The following TUBB4B variants were observed in gnomAD, a reference collection of about 807,000 sequenced individuals.
TUBB4B encodes the protein tubulin beta-4B chain.
In TUBB4B, 7 loss-of-function variants were observed where a neutral mutation model predicts 34.3. That is an observed-to-expected ratio of 0.20 (90% CI 0.12 to 0.38). The LOEUF is 0.38. Ranked by LOEUF, TUBB4B falls within the 10% of genes least tolerant of loss-of-function variation. The pLI is 1.00. For missense variants in TUBB4B, 178 were observed against 610.9 expected (o/e 0.29, Z 7.47); for synonymous variants, 390 against 250.2 (o/e 1.56, Z -5.27).
At chr9:137,242,450 G>A (rs1459146562) in intron 3 of TUBB4B, 46 bp from the exon 4 acceptor site, 2 of 1,589,404 alleles carry the variant, frequency 1.3e-6, no homozygotes, top group Middle Eastern at 1.7e-4. Context: ...GTGACCAGTA[G>A]TGCTGTCTAC....
At chr9:137,241,613 G>T (rs1836744895) in intron 1 of TUBB4B, 108 bp from the exon 2 acceptor site, 1 of 758,898 alleles carries the variant, frequency 1.3e-6, no homozygotes, top group Non-Finnish European at 1.6e-6. Flanking sequence ...CGGGGGAGGG[G>T]CGGGGAGGGC....
rs753264882 is a variant in TUBB4B, at chr9:137,243,571, G to A, written c.*15G>A. The A allele has an allele frequency of 3.6e-5, 58 of 1,613,522 alleles. 1 individual carries two copies. The South Asian group carries it at 5.0e-4, about 14-fold the overall frequency. On this transcript the variant is annotated 3_prime_UTR_variant, in exon 4 of 4. Transcript: ENST00000340384. ...AGGTGGCCTAGAGCCTTCAGTCACT[G>A]GGGAAAGCAGGGAAGCAGTGTGAAC...
At position 137,241,293 on chromosome 9, in the gene TUBB4B, C is replaced by A; in HGVS notation, c.-68C>A. 6.5e-7 allele frequency: 1 copy of A among 1,548,656 alleles called. No individual in the cohort carries two copies. Among genetic ancestry groups the A allele is most frequent in the Non-Finnish European group, 8.7e-7 (1 of 1,151,918 alleles). ...TTGGCGGAGCGTCGGTTGTAGCACT[C>A]TGCGCGCCCGCTCTTCTGCTGCTGT... On this transcript the variant is annotated 5_prime_UTR_variant, in exon 1 of 4. In the 5' UTR this introduces an upstream ATG that the reference lacks. Transcript: ENST00000340384.
At position 137,241,414 on chromosome 9, in the gene TUBB4B, C is replaced by A. The variant is rs1389827506; in HGVS notation, c.54C>A (p.Ala18=). The A allele has an allele frequency of 5.0e-6, 8 of 1,589,704 alleles. No homozygotes were observed. The highest frequency in any genetic ancestry group is 1.7e-4 in the Middle Eastern group (1 of 5,974). Residue 18 remains alanine, a synonymous_variant, in exon 1 of 4, where the codon GCC becomes GCA. Coordinates refer to ENST00000340384, the MANE Select transcript of TUBB4B (RefSeq NM_006088.6). ...QAGQCGNQIG[A]KFWEVISDEH... ...GGCAGTGCGGCAACCAAATCGGCGC[C>A]AAGGTAAGTTGCCGGGGCGCTGGGG...
chr9:137,242,051 C>G (rs767152300), intron 3 of TUBB4B, 30 bp downstream of exon 3: 1 of 1,603,112 alleles, frequency 6.2e-7, no homozygotes. Context: ...TGGGCGGCGG[C>G]TCAAAGGTCA....
Position 137,241,322 on chromosome 9 carries a change from T to G in TUBB4B, c.-39T>G, listed in dbSNP as rs115244808. On this transcript the variant is annotated 5_prime_UTR_variant, in exon 1 of 4. Transcript: ENST00000340384. Reference sequence around the variant, plus strand: ...GCGCCCGCTCTTCTGCTGCTGTTTGTCTACTTCCTCCTGCTTCCCCGCCGC... The same window carrying G: ...GCGCCCGCTCTTCTGCTGCTGTTTGGCTACTTCCTCCTGCTTCCCCGCCGC... 2.3e-5 allele frequency: 36 copies of G among 1,587,774 alleles called. No homozygotes were observed. Among genetic ancestry groups the G allele is most frequent in the Non-Finnish European group, 2.9e-5 (34 of 1,173,514 alleles).
intron 3 of TUBB4B, 162 bp from the exon 4 acceptor site, chr9:137,242,334 C>T (rs558189267): frequency 6.6e-5 from 57 of 864,832 alleles, no homozygotes; most frequent in African/African-American, 5.5e-4. Context: ...TAATTCGTAG[C>T]AGGGCAGGCT....
Position 137,242,683 on chromosome 9 carries a change from C to G in TUBB4B, c.465C>G (p.Ile155Met). The change falls in exon 4 of 4, where the codon ATC becomes ATG. Residue 155 changes from isoleucine to methionine, a missense_variant. Coordinates refer to ENST00000340384, the MANE Select transcript of TUBB4B (RefSeq NM_006088.6). ...TGGGTACCCTCCTCATCAGCAAGAT[C>G]CGGGAGGAGTACCCAGACAGGATCA... ...SGMGTLLISK[I>M]REEYPDRIMN... 4 of 1,613,688 alleles carry G rather than the reference C, an allele frequency of 2.5e-6. No homozygotes were observed. Among genetic ancestry groups the G allele is most frequent in the Non-Finnish European group, 3.4e-6 (4 of 1,180,010 alleles).
intron 3 of TUBB4B, 182 bp downstream of exon 3, chr9:137,242,203 C>A: frequency 1.5e-6 from 1 of 689,166 alleles, no homozygotes; most frequent in Non-Finnish European, 2.4e-6. Context: ...GAGGAGCCGC[C>A]ACACACGTAA....
At position 137,243,664 on chromosome 9, in the gene TUBB4B, C is replaced by T. The variant is rs780763306; in HGVS notation, c.*108C>T. The T allele has an allele frequency of 1.2e-6, 2 of 1,613,986 alleles. No homozygotes were observed. The highest frequency in any genetic ancestry group is 1.7e-6 in the Non-Finnish European group (2 of 1,180,006). On this transcript the variant is annotated 3_prime_UTR_variant, in exon 4 of 4. Coordinates refer to ENST00000340384, the MANE Select transcript of TUBB4B (RefSeq NM_006088.6). ...GTGCACTTGCTGTTTTCCCTGTCCA[C>T]ATCCATGCTGTACAGACACCACCAT...
rs776345140 is a variant in TUBB4B, at chr9:137,243,679, GAC to G, written c.*126_*127del. The G allele has an allele frequency of 6.2e-7, 1 of 1,614,140 alleles. No individual in the cohort carries two copies. Among genetic ancestry groups the G allele is most frequent in the Non-Finnish European group, 8.5e-7 (1 of 1,180,016 alleles). ...TCCCTGTCCACATCCATGCTGTACA[GAC>G]ACCACCATTAAAGCATTTTCATAGT... is the stretch of plus-strand genomic sequence containing the variant. On this transcript the variant is annotated 3_prime_UTR_variant, in exon 4 of 4. Coordinates refer to ENST00000340384, the MANE Select transcript of TUBB4B (RefSeq NM_006088.6).
chr9:137,241,294 T>G lies in TUBB4B; in HGVS notation c.-67T>G. On this transcript the variant is annotated 5_prime_UTR_variant, in exon 1 of 4. Coordinates refer to ENST00000340384, the MANE Select transcript of TUBB4B (RefSeq NM_006088.6). ...TGGCGGAGCGTCGGTTGTAGCACTC[T>G]GCGCGCCCGCTCTTCTGCTGCTGTT... The G allele has an allele frequency of 6.5e-7, 1 of 1,538,862 alleles. No individual in the cohort carries two copies. The highest frequency in any genetic ancestry group is 1.4e-5 in the African/African-American group (1 of 71,978).
Position 137,242,771 on chromosome 9 carries a change from G to A in TUBB4B, c.553G>A (p.Ala185Thr). 1 of 1,613,814 alleles carries A rather than the reference G, an allele frequency of 6.2e-7. No individual in the cohort carries two copies. The highest frequency in any genetic ancestry group is 8.5e-7 in the Non-Finnish European group (1 of 1,180,026). ...AGACACAGTGGTGGAGCCCTACAACGCCACCCTCTCAGTCCACCAGCTCGT... is the reference window on the plus strand; with the variant it reads ...AGACACAGTGGTGGAGCCCTACAACACCACCCTCTCAGTCCACCAGCTCGT... ...VSDTVVEPYN[A>T]TLSVHQLVEN... The change falls in exon 4 of 4, where the codon GCC (alanine) becomes ACC (threonine). Residue 185 changes from alanine (A) to threonine (T), a missense_variant. Ala to Thr is a moderately conservative substitution (Grantham distance 58, BLOSUM62 0). Transcript: ENST00000340384.
Position 137,242,402 on chromosome 9 carries a change from C to G in TUBB4B, c.278-94C>G, listed in dbSNP as rs542581182. The G allele has an allele frequency of 6.9e-6, 10 of 1,440,748 alleles. 1 individual carries two copies. In the African/African-American group the frequency reaches 8.4e-5, roughly 12 times the overall value. The allele number at this position is 1,440,748 out of a possible 1,614,324, so 89.2% of individuals were successfully genotyped here. On this transcript the variant is annotated intron_variant, in intron 3 of 3. Coordinates refer to ENST00000340384, the MANE Select transcript of TUBB4B (RefSeq NM_006088.6). The stretch of plus-strand genomic sequence containing the variant: ...CTACCTCCAGGGTGAATTCTGTGGT[C>G]AGCTCACACCATGTCACTCGGCTTT...
chr9:137,242,120 T>TTGAGTG, intron 3 of TUBB4B, 99 bp downstream of exon 3: 1 of 1,192,064 alleles, frequency 8.4e-7, no homozygotes, highest in Non-Finnish European at 1.2e-6. Flanking sequence ...CTGGACGCCC[T>TTGAGTG]CCTCTTCTCT....
chr9:137,241,422 G>C lies in TUBB4B; in HGVS notation c.57+5G>C, dbSNP rs757014345. On this transcript the variant is annotated splice_donor_5th_base_variant and intron_variant, in intron 1 of 3. Transcript: ENST00000340384. ...GGCAACCAAATCGGCGCCAAGGTAA[G>C]TTGCCGGGGCGCTGGGGCCAGGCGG... The C allele has an allele frequency of 8.2e-6, 13 of 1,586,282 alleles. No homozygotes were observed. The highest frequency in any genetic ancestry group is 1.1e-5 in the Non-Finnish European group (13 of 1,169,118).
chr9:137,241,609 AG>A (rs967701294), intron 1 of TUBB4B, 111 bp from the exon 2 acceptor site: 8 of 327,488 alleles, frequency 2.4e-5, no homozygotes, highest in Non-Finnish European at 3.1e-5. Flanking sequence ...GGGGCGGGGG[AG>A]GGGCGGGGAG....
chr9:137,241,441 C>T (rs776853904), intron 1 of TUBB4B, 24 bp downstream of exon 1: 41 of 1,561,128 alleles, frequency 2.6e-5, no homozygotes, highest in Admixed American at 5.4e-5. Flanking sequence ...GCGCTGGGGC[C>T]AGGCGGGCCT....
chr9:137,241,604 GGGGGAGGGGC>G, intron 1 of TUBB4B, 107 bp from the exon 2 acceptor site: 3 of 744,986 alleles, frequency 4.0e-6, no homozygotes, highest in Non-Finnish European at 5.0e-6. Flanking sequence ...CGCGCGGGGC[GGGGGAGGGGC>G]GGGGAGGGCC....
Sources: gnomAD v4.1 joint callset for allele counts on GRCh38, gnomAD v4.1.1 for gene constraint, MANE v1.5 for transcripts, NCBI Gene and HGNC (gene_info 2026-07-23, HGNC 2026-07-21) for gene names.